Variants in MOXD1 observed in about 807,000 individuals in gnomAD.
The protein encoded by MOXD1 is DBH-like monooxygenase protein 1.
Under a neutral mutation model 66.6 loss-of-function variants are expected in MOXD1, and 62 were observed. The observed-to-expected ratio is 0.93, with a 90% CI of 0.76 to 1.15. MOXD1 has a LOEUF of 1.15. Among genes scored for constraint, MOXD1 ranks in the 50% most tolerant of loss-of-function variants. The pLI is 0.00. For synonymous variants in MOXD1, 303 were observed against 281.9 expected (o/e 1.07, Z -0.75); for missense variants, 847 against 754.6 (o/e 1.12, Z -1.44).
intron 4 of MOXD1, among the ~76,000 whole-genome samples, chr6:132,346,820 C>T (rs1775677398): frequency 6.6e-6 from 1 of 152,030 alleles, no homozygotes; most frequent in Non-Finnish European, 1.5e-5. Context: ...TGCATTTGTC[C>T]CAGGAACAAA....
intron 1 of MOXD1, among the ~76,000 whole-genome samples, chr6:132,382,620 A>T (rs1249040118): frequency 6.6e-6 from 1 of 152,186 alleles, no homozygotes; most frequent in East Asian, 1.9e-4. Flanking sequence ...TTTCAGTTGT[A>T]CCGTAGACTA....
intron 1 of MOXD1, among the ~76,000 whole-genome samples, chr6:132,400,227 T>C (rs1261027351): frequency 1.3e-5 from 2 of 152,170 alleles, no homozygotes; most frequent in African/African-American, 4.8e-5. Flanking sequence ...CTTAATGCAA[T>C]GCCAGAACAA....
intron 1 of MOXD1, among the ~76,000 whole-genome samples, chr6:132,384,748 G>T (rs1776591685): frequency 6.6e-6 from 1 of 152,214 alleles, no homozygotes; most frequent in African/African-American, 2.4e-5. Context: ...GCAAATAAAA[G>T]CCAGTGGGAC....
rs189346516 is a variant in MOXD1, at chr6:132,326,170, C to T, written c.946+1843G>A. Among the ~76,000 whole-genome samples, 1,285 of 151,900 alleles carry T rather than the reference C, an allele frequency of 8.5e-3. 15 individuals carry two copies. Among genetic ancestry groups the T allele is most frequent in the African/African-American group, 0.03 (1,229 of 41,462 alleles). On this transcript the variant is annotated intron_variant, in intron 6 of 11. Transcript: ENST00000367963. Reference sequence around the variant, plus strand: ...AAATAAAGTAATAATTTCTTAAGCACATATAAAATGATTATTAAAAAACTT... The same window carrying T: ...AAATAAAGTAATAATTTCTTAAGCATATATAAAATGATTATTAAAAAACTT...
intron 1 of MOXD1, among the ~76,000 whole-genome samples, chr6:132,385,672 C>T (rs1776615505): frequency 6.6e-6 from 1 of 151,736 alleles, no homozygotes; most frequent in African/African-American, 2.4e-5. Flanking sequence ...TTAGTAGAGG[C>T]AGGGTTTCAC....
At chr6:132,304,366 T>C (rs1774639300) in intron 10 of MOXD1, among the ~76,000 whole-genome samples, 1 of 152,132 alleles carries the variant, frequency 6.6e-6, no homozygotes, top group African/African-American at 2.4e-5. Context: ...GTTTATAAAT[T>C]ACCCAGTCTA....
intron 4 of MOXD1, among the ~76,000 whole-genome samples, chr6:132,344,158 C>T (rs1199533396): frequency 1.3e-5 from 2 of 152,180 alleles, no homozygotes; most frequent in Non-Finnish European, 2.9e-5. Flanking sequence ...TTACTTTTCA[C>T]TTTACAATCT....
At chr6:132,345,581 T>G (rs1775652756) in intron 4 of MOXD1, among the ~76,000 whole-genome samples, 1 of 152,206 alleles carries the variant, frequency 6.6e-6, no homozygotes, top group Non-Finnish European at 1.5e-5. Flanking sequence ...TGTGGTAAGC[T>G]ATCATACTTA....
chr6:132,397,592 AAC>A (rs747431993), intron 1 of MOXD1, among the ~76,000 whole-genome samples: 55 of 147,748 alleles, frequency 3.7e-4, no homozygotes, highest in South Asian at 1.1e-3. Context: ...TTTTTATTTA[AAC>A]ACACACACAC....
chr6:132,378,873 C>CTATTTTTTTTT (rs1562297743), intron 1 of MOXD1, among the ~76,000 whole-genome samples: 1 of 68,804 alleles, frequency 1.5e-5, no homozygotes, highest in Non-Finnish European at 3.4e-5. Flanking sequence ...AGAACACTTC[C>CTATTTTTTTTT]TCTTTTTTTT....
Position 132,324,053 on chromosome 6 carries a change from T to C in MOXD1, c.991A>G (p.Ile331Val), listed in dbSNP as rs1191834528. ...SGLRLFYTMD[I>V]RKYDAGVIEA... ...ATCACCCCAGCATCATATTTCCTTA[T>C]ATCCATTGTGTAAAATAACCTCAGT... The change falls in exon 7 of 12, where the codon ATA becomes GTA. Residue 331 changes from isoleucine to valine, a missense_variant. Physicochemically the swap from Ile to Val is conservative, Grantham distance 29. Transcript: ENST00000367963. 3 of 1,613,934 alleles carry C rather than the reference T, an allele frequency of 1.9e-6. No individual in the cohort carries two copies. Among genetic ancestry groups the C allele is most frequent in the Non-Finnish European group, 8.5e-7 (1 of 1,179,904 alleles).
At chr6:132,320,483 C>G in intron 9 of MOXD1, 146 bp downstream of exon 9, 1 of 599,964 alleles carries the variant, frequency 1.7e-6, no homozygotes, top group Non-Finnish European at 2.8e-6. Context: ...AAAAACATCT[C>G]TGATGTCACT....
intron 1 of MOXD1, 30 bp downstream of exon 1, chr6:132,401,133 C>T (rs1777015786): frequency 1.4e-6 from 2 of 1,469,988 alleles, no homozygotes; most frequent in Non-Finnish European, 1.8e-6. Context: ...CGGGCTCGGC[C>T]GGGCGGGCTC....
At chr6:132,370,512 T>A (rs1776243288) in intron 4 of MOXD1, among the ~76,000 whole-genome samples, 1 of 152,094 alleles carries the variant, frequency 6.6e-6, no homozygotes, top group Non-Finnish European at 1.5e-5. Context: ...TAATAAACTT[T>A]AAAATATTTT....
intron 1 of MOXD1, among the ~76,000 whole-genome samples, chr6:132,381,016 T>C (rs1352104598): frequency 6.6e-6 from 1 of 152,240 alleles, no homozygotes; most frequent in African/African-American, 2.4e-5. Context: ...GATAATCCCC[T>C]ACCTATTTTA....
At chr6:132,304,830 GC>G (rs1269337093) in intron 10 of MOXD1, among the ~76,000 whole-genome samples, 1 of 152,070 alleles carries the variant, frequency 6.6e-6, no homozygotes, top group Non-Finnish European at 1.5e-5. Flanking sequence ...TGGATAAAAT[GC>G]AAAATACTGA....
intron 10 of MOXD1, among the ~76,000 whole-genome samples, chr6:132,312,976 G>A (rs1211691279): frequency 6.6e-6 from 1 of 151,962 alleles, no homozygotes; most frequent in South Asian, 2.1e-4. Flanking sequence ...GGCTAAGTAA[G>A]GAACAATATA....
chr6:132,384,604 G>A (rs1463870145), intron 1 of MOXD1, among the ~76,000 whole-genome samples: 3 of 152,210 alleles, frequency 2.0e-5, no homozygotes, highest in Non-Finnish European at 2.9e-5. Context: ...CACCACTGAG[G>A]CAATGATACT....
intron 6 of MOXD1, among the ~76,000 whole-genome samples, chr6:132,325,755 T>C (rs992449799): frequency 7.2e-5 from 11 of 152,222 alleles, no homozygotes. Flanking sequence ...ACCTCATAAG[T>C]GTGATGTGTG....
Sources: gnomAD v4.1 joint callset for allele counts (sites outside exome capture counted in the v4.1 genomes callset) on GRCh38, gnomAD v4.1.1 for gene constraint, MANE v1.5 for transcripts, NCBI Gene and HGNC (gene_info 2026-07-23, HGNC 2026-07-21) for gene names.